DLGAP1: variants seen among roughly 807,000 people sequenced by gnomAD.
The protein encoded by DLGAP1 is DLG associated protein 1.
A neutral mutation model predicts 90.8 loss-of-function variants in DLGAP1; 11 were observed. The observed-to-expected ratio is 0.12, with a 90% CI of 0.08 to 0.20. The LOEUF (loss-of-function observed/expected upper bound fraction) is 0.20, where lower values mean the gene tolerates loss of function less well. Ranked by LOEUF, DLGAP1 falls within the 10% of genes least tolerant of loss-of-function variation. DLGAP1 has a pLI of 1.00. For missense variants in DLGAP1, 1,050 were observed against 1,333.8 expected (o/e 0.79, Z 3.31); for synonymous variants, 558 against 540.7 (o/e 1.03, Z -0.44).
intron 1 of DLGAP1, among the ~76,000 whole-genome samples, chr18:4,402,410 T>C (rs1010051673): frequency 1.3e-5 from 2 of 152,224 alleles, no homozygotes; most frequent in Admixed American, 6.5e-5. Context: ...AACTAAAATA[T>C]AATAATCTCA....
rs1413302797 is a variant in DLGAP1 at position 4,413,712 on chromosome 18, T to C, written c.-267+41294A>G. ...TCTAGTGTTAGGTATTAGGACGGGG[T>C]TTCCTTTGTAGGAAGGCAGTGGCTC... On this transcript the variant is annotated intron_variant, in intron 1 of 12. Transcript: ENST00000315677. 3.9e-5 allele frequency among the ~76,000 whole-genome samples: 6 copies of C among 152,080 alleles called. No individual in the cohort carries two copies. In the East Asian group the frequency reaches 1.2e-3, roughly 29 times the overall value.
chr18:3,624,473 T>C (rs1404111164), intron 7 of DLGAP1, among the ~76,000 whole-genome samples: 1 of 152,198 alleles, frequency 6.6e-6, no homozygotes, highest in Admixed American at 6.5e-5. Context: ...CCAAAAGGGC[T>C]GGGCAGGCCT....
intron 1 of DLGAP1, among the ~76,000 whole-genome samples, chr18:4,422,685 A>T (rs1389435669): frequency 6.6e-6 from 1 of 152,112 alleles, no homozygotes; most frequent in Admixed American, 6.5e-5. Context: ...CACAAAGTCC[A>T]AACATCGAAG....
intron 4 of DLGAP1, among the ~76,000 whole-genome samples, chr18:3,818,841 G>C (rs1238498310): frequency 6.6e-6 from 1 of 151,330 alleles, no homozygotes; most frequent in Non-Finnish European, 1.5e-5. Flanking sequence ...TGATCTGCCT[G>C]CCTCGGCCTC....
At chr18:3,753,172 G>A (rs1456191174) in intron 5 of DLGAP1, among the ~76,000 whole-genome samples, 2 of 152,126 alleles carry the variant, frequency 1.3e-5, no homozygotes, top group Non-Finnish European at 2.9e-5. Context: ...GGCAGGGAAC[G>A]AACAAACTCA....
intron 7 of DLGAP1, among the ~76,000 whole-genome samples, chr18:3,602,109 G>A (rs1231624668): frequency 2.0e-5 from 3 of 152,206 alleles, no homozygotes; most frequent in Non-Finnish European, 4.4e-5. Flanking sequence ...CAAGCCGGGT[G>A]CCGCGCAGCT....
At chr18:3,512,468 A>G (rs2050598644) in intron 10 of DLGAP1, among the ~76,000 whole-genome samples, 1 of 152,172 alleles carries the variant, frequency 6.6e-6, no homozygotes, top group South Asian at 2.1e-4. Context: ...CCCCACTTAT[A>G]ATTCTTCAAA....
chr18:3,529,312 G>A (rs1013634367), intron 10 of DLGAP1, among the ~76,000 whole-genome samples: 2 of 152,066 alleles, frequency 1.3e-5, no homozygotes, highest in East Asian at 3.9e-4. Flanking sequence ...TTGAAACAGA[G>A]AGCAGCCCTT....
At chr18:4,252,629 C>T (rs2078805032) in intron 1 of DLGAP1, among the ~76,000 whole-genome samples, 1 of 152,190 alleles carries the variant, frequency 6.6e-6, no homozygotes, top group Admixed American at 6.5e-5. Context: ...TCCCTTTAAA[C>T]TAGTAGCTAA....
intron 7 of DLGAP1, among the ~76,000 whole-genome samples, chr18:3,699,218 G>A (rs2061196139): frequency 6.6e-6 from 1 of 152,134 alleles, no homozygotes; most frequent in Non-Finnish European, 1.5e-5. Flanking sequence ...TGGAGGAGAA[G>A]AGGCATTCTG....
At chr18:3,718,013 C>T (rs2147299930) in intron 7 of DLGAP1, among the ~76,000 whole-genome samples, 1 of 152,288 alleles carries the variant, frequency 6.6e-6, no homozygotes, top group East Asian at 1.9e-4. Flanking sequence ...TTGTGAGTTT[C>T]TCGTTCTCTT....
At chr18:4,158,236 T>C (rs768851269) in intron 1 of DLGAP1, among the ~76,000 whole-genome samples, 11 of 151,834 alleles carry the variant, frequency 7.2e-5, no homozygotes, top group Non-Finnish European at 1.6e-4. Context: ...CATTGCACAA[T>C]ACAAAGTGAA....
At chr18:4,106,398 C>T (rs1422052776) in intron 2 of DLGAP1, among the ~76,000 whole-genome samples, 1 of 152,194 alleles carries the variant, frequency 6.6e-6, no homozygotes, top group African/African-American at 2.4e-5. Flanking sequence ...CCCAGCCCTG[C>T]ATGCATCACC....
chr18:4,220,957 A>T (rs1274909724), intron 1 of DLGAP1, among the ~76,000 whole-genome samples: 1 of 152,142 alleles, frequency 6.6e-6, no homozygotes, highest in Non-Finnish European at 1.5e-5. Context: ...TAGATACACA[A>T]ATATTTACCA....
chr18:3,568,357 T>G (rs1002632004), intron 8 of DLGAP1, among the ~76,000 whole-genome samples: 3 of 152,194 alleles, frequency 2.0e-5, no homozygotes, highest in Non-Finnish European at 4.4e-5. Context: ...GAATTGACTT[T>G]GAATATCACT....
chr18:3,620,867 A>G (rs2058072096), intron 7 of DLGAP1, among the ~76,000 whole-genome samples: 1 of 152,120 alleles, frequency 6.6e-6, no homozygotes, highest in Admixed American at 6.6e-5. Context: ...CTGGTATCAC[A>G]TTTAAACAGG....
intron 1 of DLGAP1, among the ~76,000 whole-genome samples, chr18:4,169,527 C>A (rs1290584437): frequency 6.6e-6 from 1 of 152,176 alleles, no homozygotes; most frequent in Non-Finnish European, 1.5e-5. Flanking sequence ...AAGTTGCTAT[C>A]ATTAACACAT....
At chr18:4,381,612 T>C (rs959461257) in intron 1 of DLGAP1, among the ~76,000 whole-genome samples, 21 of 152,166 alleles carry the variant, frequency 1.4e-4, no homozygotes, top group Admixed American at 2.6e-4. Context: ...AATCTGACAA[T>C]GGAGTCCCCC....
At chr18:3,906,815 A>T (rs1311604945) in intron 3 of DLGAP1, among the ~76,000 whole-genome samples, 1 of 152,246 alleles carries the variant, frequency 6.6e-6, no homozygotes, top group Non-Finnish European at 1.5e-5. Flanking sequence ...TTTATAGATA[A>T]CACACCATGA....
Sources: allele counts gnomAD v4.1 joint callset (sites outside exome capture counted in the v4.1 genomes callset), GRCh38; gene constraint gnomAD v4.1.1; transcripts MANE v1.5; gene names NCBI Gene and HGNC (gene_info 2026-07-23, HGNC 2026-07-21).